The following SMYD3 variants were observed in gnomAD, a reference collection of about 807,000 sequenced individuals.
SMYD3 encodes the protein histone-lysine N-methyltransferase SMYD3.
In SMYD3, 36 loss-of-function variants were observed where a neutral mutation model predicts 57.7. The ratio of observed to expected loss-of-function variants is 0.62; its 90% CI spans 0.48 to 0.82. SMYD3 has a LOEUF of 0.82. SMYD3 is among the 40% of genes least tolerant of loss of function. SMYD3 has a pLI of 0.00. For missense variants in SMYD3, 515 were observed against 538.8 expected, an observed-to-expected ratio of 0.96 and a Z score of 0.44; for synonymous variants, 211 against 195.0, an observed-to-expected ratio of 1.08 and a Z score of -0.68.
intron 5 of SMYD3, among the ~76,000 whole-genome samples, chr1:246,084,732 A>G (rs537038255): frequency 1.2e-3 from 178 of 152,332 alleles, no homozygotes; most frequent in Admixed American, 1.6e-3. Flanking sequence ...TTCTTCTTAG[A>G]TGCCTACAGA....
chr1:246,239,848 T>C (rs2063576752), intron 5 of SMYD3, among the ~76,000 whole-genome samples: 1 of 152,238 alleles, frequency 6.6e-6, no homozygotes, highest in Non-Finnish European at 1.5e-5. Flanking sequence ...CCAGTGATGA[T>C]GAGCACTTTT....
chr1:245,817,408 A>G (rs1452672920), intron 10 of SMYD3, among the ~76,000 whole-genome samples: 19 of 149,236 alleles, frequency 1.3e-4, no homozygotes, highest in Admixed American at 1.3e-4. Context: ...CATCACCATC[A>G]TCAAAGACCA....
intron 5 of SMYD3, among the ~76,000 whole-genome samples, chr1:246,176,164 AAC>A (rs2062430528): frequency 6.6e-6 from 1 of 152,146 alleles, no homozygotes; most frequent in Admixed American, 6.5e-5. Flanking sequence ...CCTCACCAGT[AAC>A]CACAAAATAA....
chr1:246,015,501 C>CA (rs1302713255), intron 5 of SMYD3, among the ~76,000 whole-genome samples: 1 of 152,098 alleles, frequency 6.6e-6, no homozygotes, highest in Non-Finnish European at 1.5e-5. Context: ...CTACAAAGTA[C>CA]ATTTATATTG....
intron 2 of SMYD3, among the ~76,000 whole-genome samples, chr1:246,351,743 G>C (rs534579521): frequency 2.0e-5 from 3 of 152,154 alleles, no homozygotes; most frequent in Admixed American, 2.0e-4. Context: ...AAGTAGAAGC[G>C]GGGGAAGGAA....
At chr1:246,321,358 A>G (rs2065244912) in intron 5 of SMYD3, among the ~76,000 whole-genome samples, 2 of 152,348 alleles carry the variant, frequency 1.3e-5, no homozygotes, top group South Asian at 4.1e-4. Context: ...AGTACGTTAT[A>G]GTTGATCCTC....
chr1:246,445,183 G>A (rs973855772), intron 1 of SMYD3, among the ~76,000 whole-genome samples: 1 of 152,168 alleles, frequency 6.6e-6, no homozygotes, highest in Non-Finnish European at 1.5e-5. Context: ...ACAACATTAG[G>A]AGGGAGAGTT....
At chr1:246,492,347 C>T (rs2068284981) in intron 1 of SMYD3, among the ~76,000 whole-genome samples, 1 of 152,122 alleles carries the variant, frequency 6.6e-6, no homozygotes, top group Admixed American at 6.5e-5. Flanking sequence ...TCCAAGCTCC[C>T]CAGGTGATTC....
chr1:246,076,413 G>A (rs1399292072), intron 5 of SMYD3, among the ~76,000 whole-genome samples: 6 of 152,146 alleles, frequency 3.9e-5, no homozygotes, highest in Admixed American at 1.3e-4. Flanking sequence ...GAAGTGCTGA[G>A]TTAGGTTTCA....
At chr1:246,499,708 G>C (rs533857233) in intron 1 of SMYD3, among the ~76,000 whole-genome samples, 1 of 152,100 alleles carries the variant, frequency 6.6e-6, no homozygotes, top group Non-Finnish European at 1.5e-5. Context: ...TGCCCACCTC[G>C]GCCTCCCAAA....
intron 5 of SMYD3, among the ~76,000 whole-genome samples, chr1:246,157,835 C>T (rs939498019): frequency 1.3e-5 from 2 of 152,162 alleles, no homozygotes; most frequent in African/African-American, 4.8e-5. Context: ...AGCTTCTGAT[C>T]ACTGCATTAA....
At chr1:245,955,233 A>G (rs1285542017) in intron 5 of SMYD3, among the ~76,000 whole-genome samples, 1 of 147,710 alleles carries the variant, frequency 6.8e-6, no homozygotes, top group African/African-American at 2.5e-5. Context: ...CTGGGACTAC[A>G]GGTGCCCGCC....
At chr1:246,154,910 A>C (rs973318967) in intron 5 of SMYD3, among the ~76,000 whole-genome samples, 2 of 151,684 alleles carry the variant, frequency 1.3e-5, no homozygotes, top group African/African-American at 4.8e-5. Flanking sequence ...GCTTCATAAG[A>C]AGCTGGGACT....
At chr1:246,185,547 C>T (rs1006916180) in intron 5 of SMYD3, among the ~76,000 whole-genome samples, 4 of 150,874 alleles carry the variant, frequency 2.7e-5, no homozygotes, top group Admixed American at 6.6e-5. Flanking sequence ...CTGCAAGCTC[C>T]GCCTCCCGGG....
At chr1:246,384,345 A>G (rs2066434831) in intron 1 of SMYD3, among the ~76,000 whole-genome samples, 1 of 152,202 alleles carries the variant, frequency 6.6e-6, no homozygotes. Context: ...AGATGGACAC[A>G]CACACAAAAA....
chr1:245,813,292 C>T (rs886931026), intron 10 of SMYD3, among the ~76,000 whole-genome samples: 1 of 152,038 alleles, frequency 6.6e-6, no homozygotes, highest in Non-Finnish European at 1.5e-5. Context: ...GGATTACAGG[C>T]ATGAGCCACC....
chr1:246,034,087 C>G (rs2059727419), intron 5 of SMYD3, among the ~76,000 whole-genome samples: 1 of 152,138 alleles, frequency 6.6e-6, no homozygotes, highest in East Asian at 1.9e-4. Context: ...TTGCCTAGCA[C>G]AGACAGTTCT....
chr1:246,315,894 T>A (rs1055160865), intron 5 of SMYD3, among the ~76,000 whole-genome samples: 1 of 152,242 alleles, frequency 6.6e-6, no homozygotes, highest in Non-Finnish European at 1.5e-5. Flanking sequence ...CAAGTCATCT[T>A]ATTTTCCACA....
At position 246,306,844 on chromosome 1, in the gene SMYD3, T is replaced by C. The variant is rs546606274; in HGVS notation, c.531+20357A>G. Among the ~76,000 whole-genome samples the C allele has an allele frequency of 6.2e-3, 951 of 152,330 alleles. 7 individuals are homozygous for C. Among genetic ancestry groups the C allele is most frequent in the African/African-American group, 0.022 (925 of 41,572 alleles). The stretch of plus-strand genomic sequence containing the variant: ...TAATGACAAGGATTTTGCCGAGTCA[T>C]GTAGGATTTAAGTGACTCTGTGGTT... On this transcript the variant is annotated intron_variant, in intron 5 of 11. Transcript: ENST00000490107.
Sources: allele counts gnomAD v4.1 joint callset (sites outside exome capture counted in the v4.1 genomes callset), GRCh38; gene constraint gnomAD v4.1.1; transcripts MANE v1.5; gene names NCBI Gene and HGNC (gene_info 2026-07-23, HGNC 2026-07-21).